The following BCL9 variants were observed in gnomAD, a reference collection of about 807,000 sequenced individuals.
The protein encoded by BCL9 is B-cell CLL/lymphoma 9 protein.
Under a neutral mutation model 88.5 loss-of-function variants are expected in BCL9, and 25 were observed. That is an observed-to-expected ratio of 0.28 (90% confidence interval 0.21 to 0.39). The LOEUF (loss-of-function observed/expected upper bound fraction) is 0.39. Among genes scored for constraint, BCL9 ranks in the 10% least tolerant of loss-of-function variants. The pLI is 1.00. For missense variants in BCL9, 1,817 were observed against 1,877.8 expected, an observed-to-expected ratio of 0.97 and a Z score of 0.60; for synonymous variants, 711 against 673.3, an observed-to-expected ratio of 1.06 and a Z score of -0.87.
chr1:147,619,394 C>T lies in BCL9; in HGVS notation c.1239C>T (p.Ser413=). ...CAATACAGGCCATGATGGCCCAATC[C>T]CAAAGCCTAGGTAAGGGACCTGGGC... is the stretch of plus-strand genomic sequence containing the variant. ...EGPIQAMMAQ[S]QSLGKGPGPR... is the part of the protein sequence containing the mutation. Residue 413 remains serine (S), a synonymous_variant, in exon 8 of 10, where the codon TCC becomes TCT. Coordinates refer to ENST00000234739, the MANE Select transcript of BCL9 (RefSeq NM_004326.4). This position sits in a 1 kb window ranked among gnomAD's most constrained non-coding sequence, Gnocchi z 4.1. 2.5e-6 allele frequency: 4 copies of T among 1,614,056 alleles called. No homozygotes were observed. The highest frequency in any genetic ancestry group is 3.4e-6 in the Non-Finnish European group (4 of 1,180,020).
intron 1 of BCL9, among the ~76,000 whole-genome samples, chr1:147,548,894 G>A (rs1320096156): frequency 6.6e-6 from 1 of 150,724 alleles, no homozygotes; most frequent in Non-Finnish European, 1.5e-5. Context: ...TAGGGTATCC[G>A]TTTTCTCTCC....
intron 1 of BCL9, among the ~76,000 whole-genome samples, chr1:147,559,736 A>G (rs1655287547): frequency 6.6e-6 from 1 of 152,250 alleles, no homozygotes. Context: ...TCAGAGAACC[A>G]CAAGCAAGAG....
intron 4 of BCL9, 91 bp from the exon 5 acceptor site, chr1:147,612,792 C>G: frequency 2.3e-6 from 3 of 1,332,582 alleles, no homozygotes; most frequent in Non-Finnish European, 3.1e-6. Context: ...CTAAGGGTCT[C>G]CTTGACCCCC....
At chr1:147,565,245 A>G (rs1185233150) in intron 1 of BCL9, among the ~76,000 whole-genome samples, 1 of 152,222 alleles carries the variant, frequency 6.6e-6, no homozygotes, top group Non-Finnish European at 1.5e-5. Context: ...TTAATTTTAT[A>G]CATGAGAAAA....
At chr1:147,581,722 A>T (rs917403304) in intron 1 of BCL9, among the ~76,000 whole-genome samples, 1 of 151,998 alleles carries the variant, frequency 6.6e-6, no homozygotes, top group African/African-American at 2.4e-5. Context: ...GCTGCTTTTG[A>T]TCAGAACTTT....
chr1:147,583,812 G>C (rs1288758562), intron 1 of BCL9, among the ~76,000 whole-genome samples: 1 of 151,280 alleles, frequency 6.6e-6, no homozygotes, highest in Non-Finnish European at 1.5e-5. Flanking sequence ...AATTAGCTGG[G>C]CATGGTGGCT....
rs368784082 is a variant in BCL9 at position 147,611,771 on chromosome 1, G to T, written c.-66G>T. On this transcript the variant is annotated 5_prime_UTR_variant, in exon 4 of 10. Transcript: ENST00000234739. ...GCCACTGCCCCCAGCAGCTGTTTCT[G>T]CTGCAACCCGAGAGGAACTCGGTGA... 1.0e-5 allele frequency: 16 copies of T among 1,536,556 alleles called. No homozygotes were observed. The highest frequency in any genetic ancestry group is 1.3e-5 in the Non-Finnish European group (14 of 1,109,974).
Position 147,613,107 on chromosome 1 carries a change from C to T in BCL9, c.278C>T (p.Ala93Val). Residue 93 changes from alanine to valine, a missense_variant, in exon 5 of 10, where the codon GCC becomes GTC. Around this residue, in one of 2 missense-constraint regions of BCL9, gnomAD observed 1,228 missense variants for 1,191.6 expected, o/e 1.03. Coordinates refer to ENST00000234739, the MANE Select transcript of BCL9 (RefSeq NM_004326.4). ...MGLKNGAGNG[A>V]KGKGKRERSI... ...CTGAAGAATGGGGCTGGAAATGGTGCCAAGGGCAAGGGGAAAAGGGAGCGA... is the reference window on the plus strand; with the variant it reads ...CTGAAGAATGGGGCTGGAAATGGTGTCAAGGGCAAGGGGAAAAGGGAGCGA... 1 of 1,614,126 alleles carries T rather than the reference C, an allele frequency of 6.2e-7. No homozygotes were observed. Among genetic ancestry groups the T allele is most frequent in the South Asian group, 1.1e-5 (1 of 91,088 alleles).
At chr1:147,585,517 G>A (rs74594247) in intron 1 of BCL9, among the ~76,000 whole-genome samples, 5,558 of 152,230 alleles carry the variant, frequency 0.037, 152 homozygotes, top group Non-Finnish European at 0.055. Flanking sequence ...TTGCTATGTA[G>A]TCCAGGCCTC....
chr1:147,560,361 G>A (rs1347091141), intron 1 of BCL9, among the ~76,000 whole-genome samples: 2 of 151,968 alleles, frequency 1.3e-5, no homozygotes, highest in Admixed American at 6.6e-5. Flanking sequence ...AGGATGAGGC[G>A]GGTGGATCAC....
intron 1 of BCL9, among the ~76,000 whole-genome samples, chr1:147,560,322 G>A (rs1481042379): frequency 5.3e-5 from 8 of 152,096 alleles, no homozygotes; most frequent in African/African-American, 1.9e-4. Flanking sequence ...GGGCGCGGTG[G>A]CTCACACCTG....
At chr1:147,605,416 A>G (rs1343797196) in intron 2 of BCL9, among the ~76,000 whole-genome samples, 1 of 152,246 alleles carries the variant, frequency 6.6e-6, no homozygotes, top group Non-Finnish European at 1.5e-5. Context: ...GTAATCAAGG[A>G]GAATTTCACA....
intron 1 of BCL9, among the ~76,000 whole-genome samples, chr1:147,568,717 T>C (rs1037231750): frequency 6.6e-6 from 1 of 152,210 alleles, no homozygotes; most frequent in Non-Finnish European, 1.5e-5. Flanking sequence ...AGTTAGATAG[T>C]AAGATGTGAG....
chr1:147,552,424 A>T (rs1654940335), intron 1 of BCL9, among the ~76,000 whole-genome samples: 1 of 152,022 alleles, frequency 6.6e-6, no homozygotes, highest in Non-Finnish European at 1.5e-5. Context: ...CCTGACCAAC[A>T]TGGAAACCCT....
intron 1 of BCL9, among the ~76,000 whole-genome samples, chr1:147,588,140 A>G (rs2101565052): frequency 6.6e-6 from 1 of 152,312 alleles, no homozygotes; most frequent in African/African-American, 2.4e-5. Flanking sequence ...TGAGCTGCTC[A>G]TACCACCTTG....
At chr1:147,616,039 C>A in intron 7 of BCL9, 137 bp downstream of exon 7, 1 of 768,312 alleles carries the variant, frequency 1.3e-6, no homozygotes, top group Non-Finnish European at 2.1e-6. Flanking sequence ...CTAATTCTGG[C>A]ATTGTGGGGC....
intron 1 of BCL9, among the ~76,000 whole-genome samples, chr1:147,551,543 T>C (rs1654905716): frequency 6.6e-6 from 1 of 152,214 alleles, no homozygotes; most frequent in Non-Finnish European, 1.5e-5. Context: ...ATTGCCATTA[T>C]GACAGTATTA....
intron 3 of BCL9, among the ~76,000 whole-genome samples, chr1:147,608,249 A>G (rs782794940): frequency 6.6e-6 from 1 of 151,938 alleles, no homozygotes; most frequent in African/African-American, 2.4e-5. Context: ...CAAGTGAGGA[A>G]GTGAACCCTG....
At chr1:147,589,161 A>G (rs1278718044) in intron 1 of BCL9, among the ~76,000 whole-genome samples, 2 of 152,014 alleles carry the variant, frequency 1.3e-5, no homozygotes, top group Non-Finnish European at 2.9e-5. Context: ...TCTCTTGCAT[A>G]TGTTTTCCTT....
Sources: allele counts gnomAD v4.1 joint callset (sites outside exome capture counted in the v4.1 genomes callset), GRCh38; gene constraint gnomAD v4.1.1; regional missense constraint gnomAD v4.1.1; non-coding constraint Gnocchi (gnomAD v3.1); transcripts MANE v1.5; gene names NCBI Gene and HGNC (gene_info 2026-07-23, HGNC 2026-07-21).